The following STARD13 variants were observed in gnomAD, a reference collection of about 807,000 sequenced individuals.
STARD13 encodes the protein stAR-related lipid transfer protein 13.
A neutral mutation model predicts 106.4 loss-of-function variants in STARD13; 62 were observed. The observed-to-expected ratio is 0.58, with a 90% CI of 0.48 to 0.72. The LOEUF (loss-of-function observed/expected upper bound fraction) is 0.72, where lower values mean the gene tolerates loss of function less well. Among genes scored for constraint, STARD13 ranks in the 30% least tolerant of loss-of-function variants. STARD13 has a pLI of 0.00. For synonymous variants in STARD13, 565 were observed against 553.0 expected (o/e 1.02, Z -0.31); for missense variants, 1,387 against 1,424.0 (o/e 0.97, Z 0.42).
At chr13:33,294,323 T>A (rs1196772494) in intron 1 of STARD13, among the ~76,000 whole-genome samples, 1 of 152,218 alleles carries the variant, frequency 6.6e-6, no homozygotes, top group Non-Finnish European at 1.5e-5. Context: ...TCCAACCAGA[T>A]GCAGTGCTCC....
chr13:33,671,633 G>C, the STARD13 span, among the ~76,000 whole-genome samples: 31 of 152,256 alleles, frequency 2.0e-4, no homozygotes, highest in African/African-American at 7.2e-4. Context: ...TGGAGGCTGA[G>C]GCAAGATGAT....
At chr13:33,282,291 C>T (rs1891827194) in intron 1 of STARD13, among the ~76,000 whole-genome samples, 1 of 152,094 alleles carries the variant, frequency 6.6e-6, no homozygotes, top group South Asian at 2.1e-4. Context: ...ATTGCAACCC[C>T]AGAACTAAAA....
the STARD13 span, among the ~76,000 whole-genome samples, chr13:33,400,696 G>A: frequency 2.6e-5 from 4 of 151,914 alleles, no homozygotes; most frequent in African/African-American, 7.3e-5. Context: ...ATCTCCTGAC[G>A]TCGTGATCCG....
At chr13:33,195,527 A>G (rs965628784) in intron 1 of STARD13, among the ~76,000 whole-genome samples, 1 of 152,292 alleles carries the variant, frequency 6.6e-6, no homozygotes, top group East Asian at 1.9e-4. Flanking sequence ...ATATTTTTCT[A>G]TGTGAAGGAT....
intron 4 of STARD13, among the ~76,000 whole-genome samples, chr13:33,132,509 C>A (rs534926935): frequency 6.6e-6 from 1 of 152,176 alleles, no homozygotes; most frequent in Non-Finnish European, 1.5e-5. Context: ...GTCCATTAAA[C>A]CTCTTTTTAC....
the STARD13 span, among the ~76,000 whole-genome samples, chr13:33,600,118 C>T: frequency 6.6e-6 from 1 of 152,084 alleles, no homozygotes; most frequent in African/African-American, 2.4e-5. Context: ...AAAACCAGAG[C>T]CTGTATCAAA....
chr13:33,599,511 G>A, the STARD13 span, among the ~76,000 whole-genome samples: 3 of 152,098 alleles, frequency 2.0e-5, no homozygotes, highest in Non-Finnish European at 2.9e-5. Context: ...AGGAGCTTAG[G>A]TGAAGTGAAT....
intron 1 of STARD13, among the ~76,000 whole-genome samples, chr13:33,316,306 G>A (rs978297192): frequency 2.0e-5 from 3 of 152,052 alleles, no homozygotes; most frequent in Admixed American, 6.6e-5. Flanking sequence ...ACACAGAAAT[G>A]ACTCCTCCTG....
chr13:33,524,022 C>T, the STARD13 span, among the ~76,000 whole-genome samples: 14,756 of 151,968 alleles, frequency 0.097, 2,150 homozygotes, highest in African/African-American at 0.31. Flanking sequence ...GCATTTTTTT[C>T]TAATTTTATA....
At chr13:33,530,884 T>C in the STARD13 span, among the ~76,000 whole-genome samples, 2 of 152,230 alleles carry the variant, frequency 1.3e-5, no homozygotes, top group Non-Finnish European at 2.9e-5. Flanking sequence ...ACAGTTCATA[T>C]AGGAAAGCAG....
chr13:33,146,296 C>G (rs1001366871), intron 3 of STARD13, among the ~76,000 whole-genome samples: 2 of 151,842 alleles, frequency 1.3e-5, no homozygotes, highest in African/African-American at 4.8e-5. Flanking sequence ...TGCACCCCAG[C>G]CTGGGTGACA....
chr13:33,347,494 G>A (rs972513821), downstream of STARD13, among the ~76,000 whole-genome samples: 6 of 152,092 alleles, frequency 3.9e-5, no homozygotes, highest in East Asian at 3.9e-4. Flanking sequence ...TGATCTGCCC[G>A]CCTTGACCTC....
At chr13:33,353,973 A>AT (rs1193347980), upstream of STARD13, among the ~76,000 whole-genome samples, 1 of 152,206 alleles carries the variant, frequency 6.6e-6, no homozygotes, top group African/African-American at 2.4e-5. Flanking sequence ...TAAATGAATG[A>AT]TTCTACTCTA....
the STARD13 span, among the ~76,000 whole-genome samples, chr13:33,613,088 A>G: frequency 6.6e-6 from 1 of 152,210 alleles, no homozygotes; most frequent in Admixed American, 6.5e-5. Flanking sequence ...CCTGGCATGC[A>G]CTGGAGATGG....
chr13:33,364,426 G>T, the STARD13 span, among the ~76,000 whole-genome samples: 1 of 152,174 alleles, frequency 6.6e-6, no homozygotes, highest in South Asian at 2.1e-4. Flanking sequence ...TAATAAAAAT[G>T]AAATGGGTTA....
the STARD13 span, among the ~76,000 whole-genome samples, chr13:33,627,956 C>T: frequency 1.8e-3 from 260 of 146,524 alleles, 1 homozygote; most frequent in African/African-American, 6.7e-3. Flanking sequence ...TAGGCTATTT[C>T]TTTTTTTTCT....
chr13:33,647,661 T>G, the STARD13 span, among the ~76,000 whole-genome samples: 2 of 152,228 alleles, frequency 1.3e-5, no homozygotes, highest in Admixed American at 6.5e-5. Context: ...TCTAGGTTGT[T>G]GAATCCCTGT....
chr13:33,580,013 A>G, the STARD13 span, among the ~76,000 whole-genome samples: 1 of 152,124 alleles, frequency 6.6e-6, no homozygotes, highest in Non-Finnish European at 1.5e-5. Context: ...AATTTCTCAC[A>G]TAACTAAACA....
At chr13:33,437,098 T>A in the STARD13 span, among the ~76,000 whole-genome samples, 1 of 152,104 alleles carries the variant, frequency 6.6e-6, no homozygotes. Context: ...AGAAATGAAA[T>A]CCACAAGCAG....
Sources: allele counts gnomAD v4.1 joint callset (sites outside exome capture counted in the v4.1 genomes callset), GRCh38; gene constraint gnomAD v4.1.1; transcripts MANE v1.5; gene names NCBI Gene and HGNC (gene_info 2026-07-23, HGNC 2026-07-21).